GMDS: variants seen among roughly 807,000 people sequenced by gnomAD.
GMDS encodes the protein GDP-mannose 4,6-dehydratase, also known as GDP-mannose 4,6 dehydratase.
Under a neutral mutation model 49.9 loss-of-function variants are expected in GMDS, and 20 were observed. The observed-to-expected ratio is 0.40, with a 90% confidence interval of 0.28 to 0.58. The LOEUF (loss-of-function observed/expected upper bound fraction) is 0.58, where lower values mean the gene tolerates loss of function less well. Ranked by LOEUF, GMDS falls within the 20% of genes least tolerant of loss-of-function variation. GMDS has a pLI of 0.42. For missense variants in GMDS, 362 were observed against 481.4 expected, an observed-to-expected ratio of 0.75 and a Z score of 2.32; for synonymous variants, 177 against 178.6, an observed-to-expected ratio of 0.99 and a Z score of 0.07.
At chr6:2,046,987 C>G (rs1047933132) in intron 4 of GMDS, among the ~76,000 whole-genome samples, 5 of 152,150 alleles carry the variant, frequency 3.3e-5, no homozygotes, top group African/African-American at 1.2e-4. Context: ...TTTTTCTACT[C>G]ATGTATACTC....
In GMDS at chr6:1,624,207, C is replaced by T. The variant is rs777803103; in HGVS notation, c.1081G>A (p.Ala361Thr). Residue 361 changes from alanine to threonine, a missense_variant, in exon 11 of 11, where the codon GCC (alanine) becomes ACC (threonine). Physicochemically the swap from Ala to Thr is moderately conservative, Grantham distance 58 (BLOSUM62 0). Coordinates refer to ENST00000380815, the MANE Select transcript of GMDS (RefSeq NM_001500.4). ...FDELVREMVH[A>T]DVELMRTNPN... is the part of the protein sequence containing the mutation. ...TTTGTCCTCATGAGCTCCACGTCGG[C>T]GTGCACCATCTCCCTCACCAGCTCC... 3.7e-6 allele frequency: 6 copies of T among 1,610,954 alleles called. No individual in the cohort carries two copies. The highest frequency in any genetic ancestry group is 2.5e-6 in the Non-Finnish European group (3 of 1,179,796).
chr6:1,906,221 C>A (rs552768450), intron 7 of GMDS, among the ~76,000 whole-genome samples: 2 of 152,278 alleles, frequency 1.3e-5, no homozygotes, highest in Admixed American at 1.3e-4. Context: ...TATAAGCCAT[C>A]CTACATATGC....
intron 6 of GMDS, among the ~76,000 whole-genome samples, chr6:1,955,040 G>A (rs962925536): frequency 7.2e-5 from 11 of 151,734 alleles, no homozygotes; most frequent in Admixed American, 2.6e-4. Flanking sequence ...GAAATATTAG[G>A]AGAATTCTCA....
chr6:1,684,320 T>G (rs1017955695), intron 9 of GMDS, among the ~76,000 whole-genome samples: 2 of 152,126 alleles, frequency 1.3e-5, no homozygotes, highest in African/African-American at 2.4e-5. Context: ...ACAGACATAC[T>G]TCCCAGATGA....
chr6:2,201,093 T>C (rs1347648984), intron 1 of GMDS, among the ~76,000 whole-genome samples: 2 of 129,108 alleles, frequency 1.5e-5, no homozygotes, highest in Non-Finnish European at 3.2e-5. Context: ...GAGGGCAGCA[T>C]GTTAGCAGAG....
At chr6:1,907,067 C>G (rs1482590986) in intron 7 of GMDS, among the ~76,000 whole-genome samples, 1 of 152,140 alleles carries the variant, frequency 6.6e-6, no homozygotes, top group Non-Finnish European at 1.5e-5. Context: ...ATTTTTCTGT[C>G]ATTGTCTCAC....
intron 7 of GMDS, among the ~76,000 whole-genome samples, chr6:1,774,341 C>T (rs1768706389): frequency 2.6e-5 from 4 of 152,200 alleles, no homozygotes; most frequent in Admixed American, 6.5e-5. Flanking sequence ...ATCATAGGAT[C>T]TTTCTGCATC....
intron 9 of GMDS, among the ~76,000 whole-genome samples, chr6:1,691,373 G>T (rs1003961339): frequency 6.6e-6 from 1 of 152,026 alleles, no homozygotes; most frequent in African/African-American, 2.4e-5. Context: ...TGTGGGGGAG[G>T]GAGAGCATCA....
At chr6:2,123,514 T>A (rs1775255200) in intron 2 of GMDS, among the ~76,000 whole-genome samples, 1 of 152,212 alleles carries the variant, frequency 6.6e-6, no homozygotes, top group Admixed American at 6.5e-5. Context: ...AAACACAGTA[T>A]GGGCATCTCT....
At chr6:2,172,441 C>T (rs932857173) in intron 1 of GMDS, among the ~76,000 whole-genome samples, 20 of 152,080 alleles carry the variant, frequency 1.3e-4, no homozygotes, top group African/African-American at 4.3e-4. Flanking sequence ...GCCTGCAATC[C>T]CAGCACTTTG....
intron 2 of GMDS, among the ~76,000 whole-genome samples, chr6:2,119,558 G>A (rs545841786): frequency 6.6e-6 from 1 of 152,172 alleles, no homozygotes; most frequent in South Asian, 2.1e-4. Context: ...CAAACTTCAA[G>A]ACAAGCCAAA....
chr6:1,795,836 T>C (rs1769714217), intron 7 of GMDS, among the ~76,000 whole-genome samples: 1 of 152,162 alleles, frequency 6.6e-6, no homozygotes, highest in African/African-American at 2.4e-5. Context: ...CAAGAAACAT[T>C]TGCAACAGGA....
At chr6:1,908,489 T>C (rs1318186672) in intron 7 of GMDS, among the ~76,000 whole-genome samples, 2 of 152,214 alleles carry the variant, frequency 1.3e-5, no homozygotes, top group Non-Finnish European at 2.9e-5. Flanking sequence ...GCAAAAGATA[T>C]TTTCTTGAAT....
chr6:2,102,132 C>G (rs1437774129), intron 4 of GMDS, among the ~76,000 whole-genome samples: 1 of 151,982 alleles, frequency 6.6e-6, no homozygotes, highest in Non-Finnish European at 1.5e-5. Flanking sequence ...AATGTAAAGC[C>G]ATCATAAATT....
chr6:1,801,624 C>T (rs1302191566), intron 7 of GMDS, among the ~76,000 whole-genome samples: 1 of 152,228 alleles, frequency 6.6e-6, no homozygotes, highest in African/African-American at 2.4e-5. Context: ...CAGGAATTTT[C>T]CCAGGGCTTA....
At chr6:2,236,429 T>C (rs1270046733) in intron 1 of GMDS, among the ~76,000 whole-genome samples, 1 of 152,224 alleles carries the variant, frequency 6.6e-6, no homozygotes, top group Admixed American at 6.5e-5. Context: ...GGGTTTCTGC[T>C]GTCTTTCTCC....
chr6:1,785,850 C>A lies in GMDS; in HGVS notation c.772-43264G>T, dbSNP rs192498523. ...GAGCTTCAGCAGTGCTCATTTTCTG[C>A]GCACCATTCAGCACCCTCTTACTCC... On this transcript the variant is annotated intron_variant, in intron 7 of 10. Coordinates refer to ENST00000380815, the MANE Select transcript of GMDS (RefSeq NM_001500.4). Among the ~76,000 whole-genome samples the A allele has an allele frequency of 1.2e-4, 18 of 152,304 alleles. No individual in the cohort carries two copies. In the South Asian group the frequency reaches 3.7e-3, roughly 32 times the overall value.
intron 1 of GMDS, among the ~76,000 whole-genome samples, chr6:2,148,875 A>G (rs1477358407): frequency 2.6e-5 from 4 of 152,218 alleles, no homozygotes; most frequent in African/African-American, 7.2e-5. Context: ...ACATGCAGCA[A>G]TACGGTAGAA....
At chr6:2,127,435 T>C (rs547287297) in intron 1 of GMDS, among the ~76,000 whole-genome samples, 2 of 150,186 alleles carry the variant, frequency 1.3e-5, no homozygotes, top group South Asian at 4.2e-4. Context: ...GAGGTAAACG[T>C]GCTAGAGATC....
Sources: gnomAD v4.1 joint callset for allele counts (sites outside exome capture counted in the v4.1 genomes callset) on GRCh38, gnomAD v4.1.1 for gene constraint, MANE v1.5 for transcripts, NCBI Gene and HGNC (gene_info 2026-07-23, HGNC 2026-07-21) for gene names.